Variants in NIBAN2 observed in about 807,000 individuals in gnomAD.
The protein encoded by NIBAN2 is niban apoptosis regulator 2, also known as protein Niban 2.
NIBAN2 carries 36 observed loss-of-function variants against 81.8 expected under a neutral mutation model. The observed-to-expected ratio is 0.44, with a 90% CI of 0.34 to 0.58. The LOEUF (loss-of-function observed/expected upper bound fraction) is 0.58, where lower values mean the gene tolerates loss of function less well. Among genes scored for constraint, NIBAN2 ranks in the 20% least tolerant of loss-of-function variants. The pLI, the probability that NIBAN2 is intolerant of heterozygous loss-of-function variation, is 0.02. For missense variants in NIBAN2, 897 were observed against 1,014.1 expected, an observed-to-expected ratio of 0.88 and a Z score of 1.57; for synonymous variants, 445 against 441.6, an observed-to-expected ratio of 1.01 and a Z score of -0.10.
chr9:127,515,485 C>T (rs11791746), intron 8 of NIBAN2, among the ~76,000 whole-genome samples: 14,254 of 141,680 alleles, frequency 0.1, 1,205 homozygotes, highest in Admixed American at 0.28. Flanking sequence ...CACGCCACTG[C>T]ACTCCAGCCT....
At chr9:127,576,465 TC>T (rs1838010126) in intron 1 of NIBAN2, among the ~76,000 whole-genome samples, 1 of 151,952 alleles carries the variant, frequency 6.6e-6, no homozygotes, top group Non-Finnish European at 1.5e-5. Flanking sequence ...AGAAATAACT[TC>T]AGGATGATAA....
chr9:127,549,332 GCACACT>G (rs1378383085), intron 1 of NIBAN2, among the ~76,000 whole-genome samples: 1 of 152,088 alleles, frequency 6.6e-6, no homozygotes, highest in Non-Finnish European at 1.5e-5. Flanking sequence ...CCACACGCAT[GCACACT>G]CACACTCACA....
chr9:127,510,477 C>A (rs977019943), intron 8 of NIBAN2, 144 bp from the exon 9 acceptor site: 1 of 507,628 alleles, frequency 2.0e-6, no homozygotes. Context: ...CGCTCTGTCG[C>A]CCAGGCTGGA....
intron 4 of NIBAN2, 69 bp downstream of exon 4, chr9:127,524,989 C>T: frequency 8.0e-7 from 1 of 1,248,578 alleles, no homozygotes; most frequent in Non-Finnish European, 1.2e-6. Flanking sequence ...GGGCTCAGGG[C>T]CACCCCTCCC....
At chr9:127,538,457 G>A (rs775663690) in intron 1 of NIBAN2, among the ~76,000 whole-genome samples, 5 of 152,108 alleles carry the variant, frequency 3.3e-5, no homozygotes, top group Non-Finnish European at 7.4e-5. Flanking sequence ...GTGTCACATG[G>A]CTATTTAGAA....
At chr9:127,554,531 CTTTTCT>C (rs1297961818) in intron 1 of NIBAN2, among the ~76,000 whole-genome samples, 4 of 126,824 alleles carry the variant, frequency 3.2e-5, no homozygotes, top group Admixed American at 7.9e-5. Flanking sequence ...TAGGGTTATT[CTTTTCT>C]TTTTCTTTTT....
At chr9:127,521,940 T>C (rs145145052) in intron 5 of NIBAN2, among the ~76,000 whole-genome samples, 2 of 152,168 alleles carry the variant, frequency 1.3e-5, no homozygotes, top group African/African-American at 2.4e-5. Context: ...ACTGCACACA[T>C]GGGGGACTGA....
In NIBAN2 at chr9:127,521,727, C is replaced by A. The variant is rs536727234; in HGVS notation, c.589+1952G>T. On this transcript the variant is annotated intron_variant, in intron 5 of 13. Coordinates refer to ENST00000373312, the MANE Select transcript of NIBAN2 (RefSeq NM_022833.4). ...GGAGAAGGGGCCACCCGGCAGGACACCTTCCTGGCACAGGACACCCCTTCA... is the reference window on the plus strand; with the variant it reads ...GGAGAAGGGGCCACCCGGCAGGACAACTTCCTGGCACAGGACACCCCTTCA... 4.6e-5 allele frequency among the ~76,000 whole-genome samples: 7 copies of A among 152,320 alleles called. No individual in the cohort carries two copies. In the South Asian group the frequency reaches 1.4e-3, roughly 32 times the overall value.
chr9:127,515,551 A>AC (rs1564297131), intron 8 of NIBAN2, among the ~76,000 whole-genome samples: 4 of 140,330 alleles, frequency 2.9e-5, no homozygotes, highest in East Asian at 4.2e-4. Flanking sequence ...AAACAAAAAA[A>AC]ACAGGCCAGG....
chr9:127,521,863 G>A (rs140631481), intron 5 of NIBAN2, among the ~76,000 whole-genome samples: 3 of 152,254 alleles, frequency 2.0e-5, no homozygotes, highest in South Asian at 2.1e-4. Flanking sequence ...CCAGGCCCAC[G>A]GCCAAGTGCC....
chr9:127,527,989 C>T (rs1012575060), intron 2 of NIBAN2, among the ~76,000 whole-genome samples: 25 of 152,318 alleles, frequency 1.6e-4, no homozygotes, highest in Admixed American at 6.5e-4. Flanking sequence ...GCTGCAGAAA[C>T]GCCCGGACCT....
chr9:127,548,957 C>T lies in NIBAN2; in HGVS notation c.56-17179G>A, dbSNP rs185621456. On this transcript the variant is annotated intron_variant, in intron 1 of 13. Coordinates refer to ENST00000373312, the MANE Select transcript of NIBAN2 (RefSeq NM_022833.4). ...AGATGCCCAGGATAAGGGACCCTGGCGGGTAGGGAAGGCCTCATCACTGGA... is the reference window on the plus strand; with the variant it reads ...AGATGCCCAGGATAAGGGACCCTGGTGGGTAGGGAAGGCCTCATCACTGGA... Among the ~76,000 whole-genome samples the T allele has an allele frequency of 5.5e-4, 84 of 152,252 alleles. No individual in the cohort carries two copies. In the South Asian group the frequency reaches 8.1e-3, roughly 15 times the overall value.
chr9:127,512,840 C>T (rs538018818), intron 8 of NIBAN2, among the ~76,000 whole-genome samples: 3 of 152,276 alleles, frequency 2.0e-5, no homozygotes, highest in African/African-American at 7.2e-5. Context: ...AATAGAGCTA[C>T]CACACAATCC....
At position 127,563,097 on chromosome 9, in the gene NIBAN2, G is replaced by A. The variant is rs573772272; in HGVS notation, c.55+5723C>T. 2.6e-5 allele frequency among the ~76,000 whole-genome samples: 4 copies of A among 152,176 alleles called. No individual in the cohort carries two copies. The highest frequency in any genetic ancestry group is 5.9e-5 in the Non-Finnish European group (4 of 68,038). ...CAGCAGGGAGGGCAGCCATGGCCCC[G>A]CGTGGGTTTAGAAAGGTCCCTTTGG... On this transcript the variant is annotated intron_variant, in intron 1 of 13. Transcript: ENST00000373312. The surrounding 1 kb of genome is among the most constrained non-coding windows in gnomAD (Gnocchi z 4.1).
chr9:127,510,051 G>T, intron 9 of NIBAN2, 95 bp downstream of exon 9: 1 of 1,227,558 alleles, frequency 8.1e-7, no homozygotes, highest in Non-Finnish European at 1.1e-6. Flanking sequence ...GGCCTTGGAG[G>T]GGAACGGCTG....
chr9:127,538,128 C>T (rs59310107), intron 1 of NIBAN2, among the ~76,000 whole-genome samples: 11,792 of 152,206 alleles, frequency 0.077, 508 homozygotes, highest in African/African-American at 0.088. Context: ...CCAACCCTTT[C>T]AGCAAGTTGG....
At chr9:127,574,224 G>A (rs369762091) in intron 1 of NIBAN2, among the ~76,000 whole-genome samples, 14 of 152,154 alleles carry the variant, frequency 9.2e-5, no homozygotes, top group African/African-American at 3.4e-4. Flanking sequence ...TACATCTGGA[G>A]CAGAGAGGAA....
upstream of NIBAN2, among the ~76,000 whole-genome samples, chr9:127,573,276 G>A (rs1456120294): frequency 6.6e-6 from 1 of 151,996 alleles, no homozygotes; most frequent in Non-Finnish European, 1.5e-5. Context: ...GACCCCAGAT[G>A]GGGAGGCAGC....
upstream of NIBAN2, among the ~76,000 whole-genome samples, chr9:127,573,399 A>G (rs1837970590): frequency 6.6e-6 from 1 of 152,022 alleles, no homozygotes; most frequent in Non-Finnish European, 1.5e-5. Flanking sequence ...AATTATTGTA[A>G]TAAAAAAAAG....
Sources: allele counts gnomAD v4.1 joint callset (sites outside exome capture counted in the v4.1 genomes callset), GRCh38; gene constraint gnomAD v4.1.1; non-coding constraint Gnocchi (gnomAD v3.1); transcripts MANE v1.5; gene names NCBI Gene and HGNC (gene_info 2026-07-23, HGNC 2026-07-21).